NBPF12: variants seen among roughly 807,000 people sequenced by gnomAD.
NBPF12 encodes NBPF member 12.
In NBPF12, 115 loss-of-function variants were observed where a neutral mutation model predicts 146.4. The ratio of observed to expected loss-of-function variants is 0.79; its 90% CI spans 0.68 to 0.92. The LOEUF is 0.92. NBPF12 is among the 40% of genes least tolerant of loss of function. The probability of loss-of-function intolerance (pLI) is 0.00; values close to 1 mark genes in which losing one functional copy is unlikely to be tolerated. For missense variants in NBPF12, 1,205 were observed against 1,326.8 expected (o/e 0.91, Z 1.43); for synonymous variants, 385 against 508.9 (o/e 0.76, Z 3.28).
At chr1:146,969,979 A>G (rs1430889513) in intron 11 of NBPF12, among the ~76,000 whole-genome samples, 4 of 150,378 alleles carry the variant, frequency 2.7e-5, no homozygotes, top group African/African-American at 7.4e-5. Flanking sequence ...TGAGTGATTT[A>G]TCTTTCCAGA....
upstream of NBPF12, among the ~76,000 whole-genome samples, chr1:146,948,223 T>C (rs1428851414): frequency 6.6e-6 from 1 of 151,292 alleles, no homozygotes; most frequent in African/African-American, 2.5e-5. Context: ...GTTGGCCAGG[T>C]TGGTCTCTAA....
exon 34 of NBPF12, chr1:146,994,559 T>C: frequency 6.2e-7 from 1 of 1,609,140 alleles, no homozygotes; most frequent in Admixed American, 1.7e-5. Flanking sequence ...CAGATGGGAG[T>C]CATATTCCCA....
chr1:146,965,981 C>G (rs1165656770), intron 8 of NBPF12, among the ~76,000 whole-genome samples: 2 of 151,350 alleles, frequency 1.3e-5, no homozygotes, highest in African/African-American at 4.9e-5. Flanking sequence ...TTACTTGGCG[C>G]TTGTAATCCC....
At chr1:146,966,587 A>G in exon 9 of NBPF12, 2 of 1,470,934 alleles carry the variant, frequency 1.4e-6, no homozygotes, top group Non-Finnish European at 1.9e-6. Flanking sequence ...CAGCTGGCAG[A>G]GAAGAAACAG....
intron 1 of NBPF12, 52 bp from the exon 5 acceptor site, chr1:146,951,296 T>C (rs1655315160): frequency 4.3e-6 from 3 of 691,532 alleles, no homozygotes; most frequent in East Asian, 2.7e-5. Flanking sequence ...GTCTCATTGG[T>C]AAAACCTTTT....
At position 146,964,814 on chromosome 1, in the gene NBPF12, C is replaced by G. The variant is rs1383766379; in HGVS notation, c.567-79C>G. On this transcript the variant is annotated intron_variant, in intron 7 of 33. Transcript: ENST00000617844. ...GGACCACTCTCTTAATGCCGCCTGT[C>G]AAAACCAGCTAGGACTCCCTGGGGT... is the stretch of plus-strand genomic sequence containing the variant. The G allele has an allele frequency of 1.8e-5, 29 of 1,597,924 alleles. 1 individual carries two copies. The South Asian group carries it at 2.2e-4, about 12-fold the overall frequency.
intron 1 of NBPF12, among the ~76,000 whole-genome samples, chr1:146,939,616 T>G (rs1156773001): frequency 6.6e-6 from 1 of 152,016 alleles, no homozygotes; most frequent in Non-Finnish European, 1.5e-5. Flanking sequence ...CTGTCTGTCT[T>G]TCTTTGAGAC....
chr1:146,992,437 TCTCTC>T (rs1658234895), intron 31 of NBPF12, among the ~76,000 whole-genome samples: 16 of 77,014 alleles, frequency 2.1e-4, no homozygotes, highest in African/African-American at 9.8e-4. Context: ...GAGCTCGTTC[TCTCTC>T]TCTCTCTCTC....
rs1312573111 is a variant in NBPF12, at chr1:146,958,124, C to T, written c.-183-1735C>T. On this transcript the variant is annotated intron_variant, in intron 2 of 33. Transcript: ENST00000617844. The stretch of plus-strand genomic sequence containing the variant: ...TTTACACTAGGTATATATCCTAATG[C>T]TATCCCTCCCCCAGCCCTCACCCCA... Among the ~76,000 whole-genome samples, 13 of 117,782 alleles carry T rather than the reference C, an allele frequency of 1.1e-4. 1 individual carries two copies. Among genetic ancestry groups the T allele is most frequent in the African/African-American group, 3.1e-4 (11 of 35,536 alleles). The allele number at this position is 117,782 out of a possible 152,430, so 77.3% of individuals were successfully genotyped here. A position where few individuals can be genotyped will look rare whatever the true frequency, so the allele number is the denominator to read the frequency against.
chr1:146,969,985 C>G (rs1423567995), intron 11 of NBPF12, among the ~76,000 whole-genome samples: 2 of 150,194 alleles, frequency 1.3e-5, no homozygotes, highest in Non-Finnish European at 2.9e-5. Context: ...ATTTATCTTT[C>G]CAGAGTTTCT....
Position 146,951,696 on chromosome 1 carries a change from G to A in NBPF12, c.-184+207G>A, listed in dbSNP as rs1473640099. 2.0e-4 allele frequency: 103 copies of A among 503,172 alleles called. 3 individuals are homozygous for A. Among genetic ancestry groups the A allele is most frequent in the African/African-American group, 1.8e-3 (89 of 50,338 alleles). The allele number at this position is 503,172 out of a possible 1,614,324, so 31.2% of individuals were successfully genotyped here. ...TTTATGGGCATTCTTTATTGCATTA[G>A]GCTTAAATTTAATGTATCTTAAGGT... On this transcript the variant is annotated intron_variant, in intron 2 of 33. Coordinates refer to ENST00000617844, the Ensembl canonical transcript of NBPF12.
upstream of NBPF12, among the ~76,000 whole-genome samples, chr1:146,946,512 C>CTTTTTTTT (rs3071268): frequency 4.9e-5 from 2 of 41,042 alleles, no homozygotes; most frequent in Admixed American, 3.6e-4. Flanking sequence ...GATCTTTCAC[C>CTTTTTTTT]TTTTTTTTTT....
chr1:146,976,254 C>G (rs1657004842), intron 16 of NBPF12, among the ~76,000 whole-genome samples: 2 of 151,880 alleles, frequency 1.3e-5, no homozygotes, highest in South Asian at 2.1e-4. Flanking sequence ...TTCTTAGTAA[C>G]TGTCGGTGAG....
chr1:146,954,042 GAAAT>G, intron 2 of NBPF12, among the ~76,000 whole-genome samples: 1 of 144,724 alleles, frequency 6.9e-6, no homozygotes, highest in Non-Finnish European at 1.5e-5. Flanking sequence ...TTTGGAAAAT[GAAAT>G]AAGAATACAA....
At chr1:146,963,252 G>A in exon 6 of NBPF12, 2 of 1,611,942 alleles carry the variant, frequency 1.2e-6, no homozygotes, top group Non-Finnish European at 1.7e-6. Context: ...GGACCTCCAA[G>A]AACAGCTGGC....
chr1:146,968,864 A>G (rs1477177962), intron 10 of NBPF12, among the ~76,000 whole-genome samples: 1 of 151,348 alleles, frequency 6.6e-6, no homozygotes. Flanking sequence ...ATGGTGTGCC[A>G]TCACGACCCC....
chr1:146,956,364 G>A (rs1194546419), intron 2 of NBPF12, among the ~76,000 whole-genome samples: 1 of 152,056 alleles, frequency 6.6e-6, no homozygotes, highest in Admixed American at 6.5e-5. Flanking sequence ...CTGATGAACT[G>A]CAAAGGGGTA....
chr1:146,992,462 CTG>C (rs1163182082), intron 31 of NBPF12, among the ~76,000 whole-genome samples: 2,412 of 65,954 alleles, frequency 0.037, 49 homozygotes, highest in African/African-American at 0.042. Flanking sequence ...CTCTCTCTCT[CTG>C]TGTGTGTGTG....
At chr1:146,944,703 A>C (rs1654943380), upstream of NBPF12, among the ~76,000 whole-genome samples, 1 of 148,016 alleles carries the variant, frequency 6.8e-6, no homozygotes, top group Non-Finnish European at 1.5e-5. Flanking sequence ...TCTCTCTAAT[A>C]ACTAGTTAGC....
Sources: allele counts gnomAD v4.1 joint callset (sites outside exome capture counted in the v4.1 genomes callset), GRCh38; gene constraint gnomAD v4.1.1; transcripts MANE v1.5; gene names NCBI Gene and HGNC (gene_info 2026-07-23, HGNC 2026-07-21).